MAPRE1: variants seen among roughly 807,000 people sequenced by gnomAD.
MAPRE1 encodes microtubule associated protein RP/EB family member 1, also known as microtubule-associated protein RP/EB family member 1.
Under a neutral mutation model 32.1 loss-of-function variants are expected in MAPRE1, and 5 were observed. That is an observed-to-expected ratio of 0.16 (90% confidence interval 0.08 to 0.33). The LOEUF is 0.33. Among genes scored for constraint, MAPRE1 ranks in the 10% least tolerant of loss-of-function variants. The pLI is 1.00. For synonymous variants in MAPRE1, 122 were observed against 118.9 expected (o/e 1.03, Z -0.17); for missense variants, 209 against 327.2 (o/e 0.64, Z 2.79).
chr20:32,823,307 C>T (rs1299333632), intron 1 of MAPRE1, among the ~76,000 whole-genome samples: 1 of 152,184 alleles, frequency 6.6e-6, no homozygotes, highest in Non-Finnish European at 1.5e-5. Context: ...GTGGAGGGAA[C>T]GAAGTACCGT....
intron 4 of MAPRE1, among the ~76,000 whole-genome samples, chr20:32,839,268 T>A (rs906079913): frequency 6.6e-6 from 1 of 152,226 alleles, no homozygotes; most frequent in African/African-American, 2.4e-5. Flanking sequence ...CAGCCGAGAC[T>A]GTGTGCTCAT....
chr20:32,832,199 G>A (rs2146127944), intron 2 of MAPRE1, among the ~76,000 whole-genome samples: 1 of 152,256 alleles, frequency 6.6e-6, no homozygotes, highest in African/African-American at 2.4e-5. Context: ...GCATTTTATG[G>A]CAGTCTTGAA....
chr20:32,839,851 C>G lies in MAPRE1; in HGVS notation c.592C>G (p.Gln198Glu). ...AGACGACGAGGCAGCTGAGTTGATG[C>G]AGCAGGTGGGCACCCCTGTGTTTAG... is the stretch of plus-strand genomic sequence containing the variant. ...NGDDEAAELM[Q>E]QVNVLKLTVE... The change falls in exon 5 of 7, where the codon CAG becomes GAG. Residue 198 changes from glutamine to glutamate, a missense_variant. By Grantham distance (29) the Gln-to-Glu change is conservative (BLOSUM62 2). Coordinates refer to ENST00000375571, the MANE Select transcript of MAPRE1 (RefSeq NM_012325.3). The G allele has an allele frequency of 6.2e-7, 1 of 1,614,112 alleles. No individual in the cohort carries two copies. Among genetic ancestry groups the G allele is most frequent in the South Asian group, 1.1e-5 (1 of 91,082 alleles).
intron 2 of MAPRE1, among the ~76,000 whole-genome samples, chr20:32,830,783 C>G (rs2146126431): frequency 6.7e-6 from 1 of 149,128 alleles, no homozygotes; most frequent in Admixed American, 6.7e-5. Flanking sequence ...GTTGCCCAGG[C>G]TGGAGATCTC....
chr20:32,827,028 A>G (rs1226232919), intron 2 of MAPRE1, among the ~76,000 whole-genome samples: 1 of 152,204 alleles, frequency 6.6e-6, no homozygotes, highest in Non-Finnish European at 1.5e-5. Context: ...CTTATTCCCA[A>G]GAAGTACAAG....
Position 32,842,167 on chromosome 20 carries a change from G to T in MAPRE1, c.597+2311G>T, listed in dbSNP as rs1198429088. Among the ~76,000 whole-genome samples, 4 of 152,192 alleles carry T rather than the reference G, an allele frequency of 2.6e-5. No individual in the cohort carries two copies. In the East Asian group the frequency reaches 7.7e-4, roughly 29 times the overall value. On this transcript the variant is annotated intron_variant, in intron 5 of 6. Coordinates refer to ENST00000375571, the MANE Select transcript of MAPRE1 (RefSeq NM_012325.3). ...GTGGCGCGATCTTTGCTCACTGCAA[G>T]CTCCGCCTCCTGGGTTCACGCCATT... is the stretch of plus-strand genomic sequence containing the variant.
At chr20:32,829,421 G>T (rs572769217) in intron 2 of MAPRE1, among the ~76,000 whole-genome samples, 61 of 152,342 alleles carry the variant, frequency 4.0e-4, no homozygotes, top group African/African-American at 1.1e-3. Context: ...ATGAGGTCTT[G>T]CTTCCAGTAT....
intron 5 of MAPRE1, among the ~76,000 whole-genome samples, chr20:32,840,571 T>G (rs898493388): frequency 2.6e-5 from 4 of 152,198 alleles, no homozygotes; most frequent in Non-Finnish European, 5.9e-5. Context: ...GTGATCCCCC[T>G]GCCTGAGCCT....
intron 1 of MAPRE1, among the ~76,000 whole-genome samples, chr20:32,821,749 G>C (rs1982708933): frequency 6.6e-6 from 1 of 152,210 alleles, no homozygotes; most frequent in African/African-American, 2.4e-5. Flanking sequence ...GTGGTGCCTT[G>C]AAAGTAATAG....
At position 32,833,915 on chromosome 20, in the gene MAPRE1, A is replaced by G. The variant is rs1306555185; in HGVS notation, c.267+53A>G. 5 of 1,486,932 alleles carry G rather than the reference A, an allele frequency of 3.4e-6. No homozygotes were observed. The East Asian group carries it at 1.2e-4, about 35-fold the overall frequency. The allele number at this position is 1,486,932 out of a possible 1,614,324, so 92.1% of individuals were successfully genotyped here. A position where few individuals can be genotyped will look rare whatever the true frequency, so the allele number is the denominator to read the frequency against. On this transcript the variant is annotated intron_variant, in intron 3 of 6. Coordinates refer to ENST00000375571, the MANE Select transcript of MAPRE1 (RefSeq NM_012325.3). ...TTAATGTTCCTTAATGATCGTTACT[A>G]AGGAGGTAGATGCTAGCTTATGACT...
chr20:32,825,710 A>T (rs555083325), intron 1 of MAPRE1, among the ~76,000 whole-genome samples: 1 of 152,184 alleles, frequency 6.6e-6, no homozygotes, highest in East Asian at 1.9e-4. Flanking sequence ...CAGGAGAATT[A>T]CTTGAACTTG....
In MAPRE1 at chr20:32,848,961, A is replaced by G; in HGVS notation, c.*233A>G. ...TAACACCTAGTTGGTTCACCTGGAA[A>G]ACAGAGAGGCTGACCGTGGGGCTCA... On this transcript the variant is annotated 3_prime_UTR_variant, in exon 7 of 7. Transcript: ENST00000375571. 3 of 364,862 alleles carry G rather than the reference A, an allele frequency of 8.2e-6. No individual in the cohort carries two copies. The highest frequency in any genetic ancestry group is 1.5e-5 in the Non-Finnish European group (3 of 202,068). 22.6% of individuals were successfully genotyped at this position (364,862 alleles called of 1,614,324 possible).
In MAPRE1 at chr20:32,827,128, C is replaced by T. The variant is rs577302509; in HGVS notation, c.121+1080C>T. ...GCAAAGATGTAATGATTTAAAGTCT[C>T]GGTGTGGTGGCTCACGCCTATAATC... On this transcript the variant is annotated intron_variant, in intron 2 of 6. Transcript: ENST00000375571. Among the ~76,000 whole-genome samples, 5 of 152,198 alleles carry T rather than the reference C, an allele frequency of 3.3e-5. No individual in the cohort carries two copies. In the South Asian group the frequency reaches 1.0e-3, roughly 32 times the overall value.
At chr20:32,822,210 G>T (rs1019937560) in intron 1 of MAPRE1, among the ~76,000 whole-genome samples, 1 of 152,174 alleles carries the variant, frequency 6.6e-6, no homozygotes, top group African/African-American at 2.4e-5. Context: ...CAGCTGCTTA[G>T]ATTTTATAGC....
intron 2 of MAPRE1, among the ~76,000 whole-genome samples, chr20:32,831,947 CA>C (rs58685497): frequency 0.35 from 39,077 of 111,538 alleles, 6,853 homozygotes; most frequent in African/African-American, 0.59. Context: ...TCGTCCGTTT[CA>C]AAAAAAAAAA....
intron 6 of MAPRE1, 91 bp downstream of exon 6, chr20:32,846,861 A>G (rs1253124146): frequency 9.4e-6 from 13 of 1,383,380 alleles, no homozygotes; most frequent in Non-Finnish European, 1.2e-5. Context: ...CCAGTGTTGC[A>G]TTCATCAAAA....
At chr20:32,830,232 C>T (rs1039049400) in intron 2 of MAPRE1, among the ~76,000 whole-genome samples, 11 of 152,088 alleles carry the variant, frequency 7.2e-5, no homozygotes, top group Admixed American at 3.3e-4. Context: ...TGTGGGGCCC[C>T]GACAGCCCTT....
rs930006575 is a variant in MAPRE1, at chr20:32,849,326, C to G, written c.*598C>G. On this transcript the variant is annotated 3_prime_UTR_variant, in exon 7 of 7. Transcript: ENST00000375571. Reference sequence around the variant, plus strand: ...TAAAAGGAACATTTAAAAAGTTGCCCTGTAAAGTTATTTGGTGTCATTGAC... The same window carrying G: ...TAAAAGGAACATTTAAAAAGTTGCCGTGTAAAGTTATTTGGTGTCATTGAC... The G allele has an allele frequency of 6.6e-6, 1 of 152,144 alleles. No individual in the cohort carries two copies. Among genetic ancestry groups the G allele is most frequent in the African/African-American group, 2.4e-5 (1 of 41,426 alleles). 9.4% of individuals were successfully genotyped at this position (152,144 alleles called of 1,614,324 possible). A position where few individuals can be genotyped will look rare whatever the true frequency, so the allele number is the denominator to read the frequency against.
chr20:32,847,635 C>T (rs146437654), intron 6 of MAPRE1, among the ~76,000 whole-genome samples: 406 of 152,122 alleles, frequency 2.7e-3, no homozygotes, highest in African/African-American at 8.3e-3. Context: ...AAAAAGACAA[C>T]GAAGATATAG....
Sources: gnomAD v4.1 joint callset for allele counts (sites outside exome capture counted in the v4.1 genomes callset) on GRCh38, gnomAD v4.1.1 for gene constraint, MANE v1.5 for transcripts, NCBI Gene and HGNC (gene_info 2026-07-23, HGNC 2026-07-21) for gene names.